The following GPHN variants were observed in gnomAD, a reference collection of about 807,000 sequenced individuals.
GPHN encodes gephyrin.
In GPHN, 17 loss-of-function variants were observed where a neutral mutation model predicts 95.5. That is an observed-to-expected ratio of 0.18 (90% CI 0.12 to 0.27). The LOEUF (loss-of-function observed/expected upper bound fraction) is 0.27, where lower values mean the gene tolerates loss of function less well. GPHN is among the 10% of genes least tolerant of loss of function. The pLI is 1.00. For missense variants in GPHN, 660 were observed against 978.1 expected, an observed-to-expected ratio of 0.67 and a Z score of 4.34; for synonymous variants, 320 against 322.5, an observed-to-expected ratio of 0.99 and a Z score of 0.08.
the GPHN span, chr14:67,650,970 G>A: frequency 3.9e-6 from 6 of 1,541,920 alleles, no homozygotes; most frequent in South Asian, 6.8e-5. Flanking sequence ...AGAATTATGA[G>A]GCATTGAGGG....
chr14:66,527,162 C>T (rs961891398), intron 1 of GPHN, among the ~76,000 whole-genome samples: 1 of 152,234 alleles, frequency 6.6e-6, no homozygotes, highest in South Asian at 2.1e-4. Flanking sequence ...TGTTACTGGT[C>T]TATTCAGGAA....
At chr14:66,902,599 G>GT (rs948325062) in intron 5 of GPHN, among the ~76,000 whole-genome samples, 1 of 151,994 alleles carries the variant, frequency 6.6e-6, no homozygotes, top group Non-Finnish European at 1.5e-5. Flanking sequence ...TTCATTAAAT[G>GT]TTTTTACAGC....
chr14:67,059,109 G>A (rs935322400), intron 11 of GPHN: 5 of 408,560 alleles, frequency 1.2e-5, no homozygotes, highest in African/African-American at 8.2e-5. Context: ...AGCACTGAGT[G>A]AGGAAAGTAG....
At chr14:67,223,869 C>T in the GPHN span, 2 of 985,598 alleles carry the variant, frequency 2.0e-6, no homozygotes, top group African/African-American at 1.7e-5. Flanking sequence ...ACCCTGTACC[C>T]CAAGAAAAGC....
intron 2 of GPHN, 103 bp downstream of exon 2, chr14:66,681,288 T>C (rs1047483719): frequency 1.6e-5 from 12 of 762,944 alleles, no homozygotes; most frequent in Non-Finnish European, 2.7e-5. Flanking sequence ...GGTACAACAA[T>C]TTTTTCTTTT....
the GPHN span, chr14:67,359,838 A>C: frequency 2.2e-6 from 2 of 901,274 alleles, no homozygotes; most frequent in Non-Finnish European, 3.4e-6. Flanking sequence ...AAGAGGCAGC[A>C]GGGACACCCA....
chr14:66,950,919 T>G (rs2068063090), intron 8 of GPHN, among the ~76,000 whole-genome samples: 1 of 151,984 alleles, frequency 6.6e-6, no homozygotes, highest in Non-Finnish European at 1.5e-5. Context: ...TGTTTGTTTG[T>G]TTGTTGTTGT....
the GPHN span, among the ~76,000 whole-genome samples, chr14:67,453,554 A>G: frequency 1.3e-5 from 2 of 152,144 alleles, no homozygotes; most frequent in Non-Finnish European, 2.9e-5. Context: ...TTTTAGCTGC[A>G]CCTATTTTTG....
chr14:67,157,668 A>G (rs2081681380), intron 18 of GPHN, among the ~76,000 whole-genome samples: 1 of 152,056 alleles, frequency 6.6e-6, no homozygotes, highest in African/African-American at 2.4e-5. Flanking sequence ...TCCTAAAAAT[A>G]CAAAAATTCG....
intron 1 of GPHN, among the ~76,000 whole-genome samples, chr14:66,613,369 A>AG (rs1364374744): frequency 3.3e-5 from 5 of 152,098 alleles, no homozygotes; most frequent in Admixed American, 1.3e-4. Flanking sequence ...ACAGCACTTC[A>AG]GTATTCTTCA....
At chr14:67,690,490 G>T in the GPHN span, 6 of 1,323,260 alleles carry the variant, frequency 4.5e-6, no homozygotes, top group South Asian at 6.0e-5. Flanking sequence ...TGGTGAGCAG[G>T]CCTCACCTAT....
chr14:66,937,244 TC>T (rs1245209861), intron 8 of GPHN, among the ~76,000 whole-genome samples: 1 of 152,068 alleles, frequency 6.6e-6, no homozygotes, highest in African/African-American at 2.4e-5. Context: ...ATTCAAGCAA[TC>T]CACCCTCCTC....
chr14:66,908,695 T>C (rs1331543541), intron 5 of GPHN, among the ~76,000 whole-genome samples: 1 of 152,076 alleles, frequency 6.6e-6, no homozygotes. Flanking sequence ...TCAAGATCAG[T>C]ATCAACATTC....
At chr14:67,537,373 TAATAATAAA>T in the GPHN span, among the ~76,000 whole-genome samples, 662 of 136,950 alleles carry the variant, frequency 4.8e-3, 19 homozygotes, top group African/African-American at 0.017. Flanking sequence ...ATAATAATAA[TAATAATAAA>T]AACTTAATCT....
intron 19 of GPHN, among the ~76,000 whole-genome samples, chr14:67,164,023 C>T (rs900374151): frequency 1.3e-5 from 2 of 151,816 alleles, no homozygotes; most frequent in Admixed American, 1.3e-4. Flanking sequence ...AATCCCAGCA[C>T]TTTGGGAGGC....
chr14:67,149,900 C>T (rs2081149108), intron 18 of GPHN, among the ~76,000 whole-genome samples: 1 of 152,024 alleles, frequency 6.6e-6, no homozygotes, highest in Admixed American at 6.6e-5. Context: ...AATATATTCA[C>T]CTTAAGAAGT....
chr14:67,021,555 TTTG>T (rs1235166266), intron 9 of GPHN, among the ~76,000 whole-genome samples: 1 of 152,162 alleles, frequency 6.6e-6, no homozygotes, highest in African/African-American at 2.4e-5. Context: ...GAGAGGGTAT[TTTG>T]TTGTTGTTTT....
At chr14:67,422,706 GAA>G in the GPHN span, among the ~76,000 whole-genome samples, 4 of 152,090 alleles carry the variant, frequency 2.6e-5, no homozygotes, top group South Asian at 8.3e-4. Flanking sequence ...GCAAGTAACT[GAA>G]AAGTCAACCA....
chr14:67,607,171 T>C, the GPHN span, among the ~76,000 whole-genome samples: 1 of 152,212 alleles, frequency 6.6e-6, no homozygotes, highest in African/African-American at 2.4e-5. Context: ...TAACTCTTAA[T>C]TGAGTAAGTA....
Sources: gnomAD v4.1 joint callset for allele counts (sites outside exome capture counted in the v4.1 genomes callset) on GRCh38, gnomAD v4.1.1 for gene constraint, MANE v1.5 for transcripts, NCBI Gene and HGNC (gene_info 2026-07-23, HGNC 2026-07-21) for gene names.